RAB3IL1: variants seen among roughly 807,000 people sequenced by gnomAD.
RAB3IL1 encodes guanine nucleotide exchange factor for Rab-3A.
RAB3IL1 carries 37 observed loss-of-function variants against 49.2 expected under a neutral mutation model. The observed-to-expected ratio is 0.75, with a 90% CI of 0.58 to 0.99. RAB3IL1 has a LOEUF of 0.99. RAB3IL1 is among the 50% of genes least tolerant of loss of function. The probability of loss-of-function intolerance (pLI) is 0.00; values close to 1 mark genes in which losing one functional copy is unlikely to be tolerated. For missense variants in RAB3IL1, 484 were observed against 513.0 expected (o/e 0.94, Z 0.55); for synonymous variants, 193 against 213.9 (o/e 0.90, Z 0.85).
chr11:61,939,380 C>G, the RAB3IL1 span, among the ~76,000 whole-genome samples: 1 of 151,934 alleles, frequency 6.6e-6, no homozygotes, highest in Non-Finnish European at 1.5e-5. Flanking sequence ...AAGCAGTACT[C>G]AAAGGGAAAT....
chr11:61,929,148 A>G, the RAB3IL1 span, among the ~76,000 whole-genome samples: 1 of 152,220 alleles, frequency 6.6e-6, no homozygotes, highest in Non-Finnish European at 1.5e-5. Flanking sequence ...TCAAACATTT[A>G]TCATTTCTTT....
upstream of RAB3IL1, among the ~76,000 whole-genome samples, chr11:61,924,191 A>C (rs563700806): frequency 8.5e-5 from 13 of 152,328 alleles, no homozygotes; most frequent in South Asian, 2.7e-3. Context: ...CAGGTGGTAC[A>C]GCATGCTGGG....
intron 1 of RAB3IL1, among the ~76,000 whole-genome samples, chr11:61,913,178 AG>A (rs1051209394): frequency 2.6e-5 from 4 of 152,060 alleles, no homozygotes; most frequent in Non-Finnish European, 4.4e-5. Context: ...GCTGTCAGGG[AG>A]GACAAGGGCT....
intron 8 of RAB3IL1, among the ~76,000 whole-genome samples, chr11:61,901,033 C>T (rs1298817093): frequency 6.6e-6 from 1 of 152,134 alleles, no homozygotes; most frequent in East Asian, 1.9e-4. Flanking sequence ...TGCCAAGGCT[C>T]AGCCTCCCTT....
At chr11:61,918,120 C>T (rs1460304740), upstream of RAB3IL1, among the ~76,000 whole-genome samples, 1 of 152,150 alleles carries the variant, frequency 6.6e-6, no homozygotes, top group Non-Finnish European at 1.5e-5. Context: ...ACCATCTGCC[C>T]TCTGGATAGT....
chr11:61,925,916 A>G, the RAB3IL1 span, among the ~76,000 whole-genome samples: 1 of 152,306 alleles, frequency 6.6e-6, no homozygotes, highest in Admixed American at 6.5e-5. Context: ...GAGAGAAATG[A>G]TCAGAGCCCT....
chr11:61,898,974 G>A lies in RAB3IL1; in HGVS notation c.1066+340C>T, dbSNP rs1287766454. On this transcript the variant is annotated intron_variant, in intron 9 of 9. Transcript: ENST00000394836. The surrounding 1 kb of genome is among the most constrained non-coding windows in gnomAD (Gnocchi z 5.1). Reference sequence around the variant, plus strand: ...GGAGGGAGGCCCTGTCCAGCATGGAGTGGAGTGGGAGCAAAGGCTGGAGGT... The same window carrying A: ...GGAGGGAGGCCCTGTCCAGCATGGAATGGAGTGGGAGCAAAGGCTGGAGGT... 3.9e-6 allele frequency: 2 copies of A among 514,192 alleles called. No individual in the cohort carries two copies. Among genetic ancestry groups the A allele is most frequent in the South Asian group, 3.1e-5 (2 of 64,080 alleles). 31.9% of individuals were successfully genotyped at this position (514,192 alleles called of 1,614,324 possible). A position where few individuals can be genotyped will look rare whatever the true frequency, so the allele number is the denominator to read the frequency against.
In RAB3IL1 at chr11:61,911,438, G is replaced by T. The variant is rs74893129; in HGVS notation, c.12-3132C>A. ...CAGAAATTTCAAAGAAGGGACCCTG[G>T]GCTCCTCGGGTCCAGCCCAAGCCAG... On this transcript the variant is annotated intron_variant, in intron 1 of 9. Coordinates refer to ENST00000394836, the MANE Select transcript of RAB3IL1 (RefSeq NM_013401.4). Among the ~76,000 whole-genome samples, 105 of 152,246 alleles carry T rather than the reference G, an allele frequency of 6.9e-4. 2 individuals are homozygous for T. Among genetic ancestry groups the T allele is most frequent in the Non-Finnish European group, 1.2e-3 (83 of 68,022 alleles).
At chr11:61,905,819 T>C (rs747659463) in intron 5 of RAB3IL1, among the ~76,000 whole-genome samples, 8 of 152,152 alleles carry the variant, frequency 5.3e-5, no homozygotes, top group Non-Finnish European at 1.0e-4. Context: ...CTGTCTCTGG[T>C]TCCTCCAGCA....
the RAB3IL1 span, among the ~76,000 whole-genome samples, chr11:61,935,798 AGC>A: frequency 6.6e-6 from 1 of 152,134 alleles, no homozygotes; most frequent in Non-Finnish European, 1.5e-5. Flanking sequence ...TACAGGGGTG[AGC>A]CACCACACCT....
intron 7 of RAB3IL1, among the ~76,000 whole-genome samples, chr11:61,903,809 G>A: frequency 6.6e-6 from 1 of 152,092 alleles, no homozygotes; most frequent in East Asian, 1.9e-4. Context: ...ACAGGTGTGA[G>A]CCACTGCACC....
chr11:61,917,560 G>C lies in RAB3IL1; in HGVS notation c.-193C>G, dbSNP rs1355641462. ...GCCCAGCCCCGACCCTGCCCTGGGC[G>C]GGTCACGTGGCGGAGGGGGGAGCGG... is the stretch of plus-strand genomic sequence containing the variant. On this transcript the variant is annotated 5_prime_UTR_variant, in exon 1 of 10. Coordinates refer to ENST00000394836, the MANE Select transcript of RAB3IL1 (RefSeq NM_013401.4). 9.1e-7 allele frequency: 1 copy of C among 1,093,988 alleles called. No individual in the cohort carries two copies. Among genetic ancestry groups the C allele is most frequent in the Non-Finnish European group, 1.1e-6 (1 of 901,826 alleles). 67.8% of individuals were successfully genotyped at this position (1,093,988 alleles called of 1,614,324 possible). A position where few individuals can be genotyped will look rare whatever the true frequency, so the allele number is the denominator to read the frequency against.
chr11:61,917,138 G>A (rs1939729076), intron 1 of RAB3IL1, among the ~76,000 whole-genome samples: 1 of 152,126 alleles, frequency 6.6e-6, no homozygotes, highest in African/African-American at 2.4e-5. Context: ...CCCCGGGACG[G>A]TCGGCTGCCC....
At chr11:61,923,253 A>T (rs917258421), upstream of RAB3IL1, among the ~76,000 whole-genome samples, 1 of 152,240 alleles carries the variant, frequency 6.6e-6, no homozygotes, top group Non-Finnish European at 1.5e-5. Flanking sequence ...CTTCTTGCAG[A>T]TGAGGAAACT....
At chr11:61,922,203 C>T (rs191499145), upstream of RAB3IL1, among the ~76,000 whole-genome samples, 98 of 146,958 alleles carry the variant, frequency 6.7e-4, no homozygotes, top group East Asian at 0.017. Flanking sequence ...AGCGAGACTC[C>T]GTCTCAAAAA....
At position 61,907,581 on chromosome 11, in the gene RAB3IL1, G is replaced by A. The variant is rs1462260743; in HGVS notation, c.344C>T (p.Thr115Met). The A allele has an allele frequency of 1.2e-5, 19 of 1,613,988 alleles. No homozygotes were observed. The highest frequency in any genetic ancestry group is 1.7e-5 in the Admixed American group (1 of 59,982). ...EQLEQELEEL[T>M]ASLFEEAHKM... ...CCGGTGTACCTCAAACAGGCTGGCC[G>A]TCAGCTCTTCCAGCTCCTGTTCTAG... is the stretch of plus-strand genomic sequence containing the variant. The change falls in exon 3 of 10, where the codon ACG becomes ATG. Residue 115 changes from threonine (T) to methionine (M), a missense_variant. By Grantham distance (81) the Thr-to-Met change is moderately conservative. Transcript: ENST00000394836.
the RAB3IL1 span, among the ~76,000 whole-genome samples, chr11:61,943,267 G>A: frequency 6.6e-6 from 1 of 152,018 alleles, no homozygotes; most frequent in African/African-American, 2.4e-5. Context: ...AAATATACAT[G>A]GACACCTGGA....
At chr11:61,916,556 G>A (rs1939698683) in intron 1 of RAB3IL1, among the ~76,000 whole-genome samples, 1 of 152,172 alleles carries the variant, frequency 6.6e-6, no homozygotes, top group South Asian at 2.1e-4. Context: ...CCTCTCCTGG[G>A]ACCACTCATC....
upstream of RAB3IL1, among the ~76,000 whole-genome samples, chr11:61,922,774 A>G (rs1939936503): frequency 6.6e-6 from 1 of 152,076 alleles, no homozygotes; most frequent in African/African-American, 2.4e-5. Flanking sequence ...CTCTCAGCCT[A>G]ATGCAAACCA....
Sources: gnomAD v4.1 joint callset for allele counts (sites outside exome capture counted in the v4.1 genomes callset) on GRCh38, gnomAD v4.1.1 for gene constraint, Gnocchi (gnomAD v3.1) non-coding constraint, MANE v1.5 for transcripts, NCBI Gene and HGNC (gene_info 2026-07-23, HGNC 2026-07-21) for gene names.